The following NEK1 variants were observed in gnomAD, a reference collection of about 807,000 sequenced individuals.
The protein encoded by NEK1 is NIMA related kinase 1, also known as serine/threonine-protein kinase Nek1.
NEK1 carries 137 observed loss-of-function variants against 182.1 expected under a neutral mutation model. That is an observed-to-expected ratio of 0.75 (90% CI 0.65 to 0.87). The LOEUF (loss-of-function observed/expected upper bound fraction) is 0.87. Ranked by LOEUF, NEK1 falls within the 40% of genes least tolerant of loss-of-function variation. The pLI is 0.00. For missense variants in NEK1, 1,391 were observed against 1,494.4 expected, an observed-to-expected ratio of 0.93 and a Z score of 1.14; for synonymous variants, 513 against 492.2, an observed-to-expected ratio of 1.04 and a Z score of -0.56.
Position 169,401,685 on chromosome 4 carries a change from T to C in NEK1, c.3550A>G (p.Ser1184Gly). The C allele has an allele frequency of 6.2e-7, 1 of 1,613,936 alleles. No individual in the cohort carries two copies. Among genetic ancestry groups the C allele is most frequent in the Non-Finnish European group, 8.5e-7 (1 of 1,179,826 alleles). The stretch of plus-strand genomic sequence containing the variant: ...CATTCTTCGTTCAGGGCACTTTCAC[T>C]GCTGGGATTGTCATCTTCATCTGCC... ...DVADEDDNPS[S>G]ESALNEEWHS... The change falls in exon 33 of 36, where the codon AGT (serine) becomes GGT (glycine). Residue 1184 changes from serine to glycine, a missense_variant. By Grantham distance (56) the Ser-to-Gly change is moderately conservative (BLOSUM62 0). Coordinates refer to ENST00000507142, the MANE Select transcript of NEK1 (RefSeq NM_001199397.3).
chr4:169,412,196 A>T (rs1733793518), intron 31 of NEK1, among the ~76,000 whole-genome samples: 1 of 152,190 alleles, frequency 6.6e-6, no homozygotes, highest in African/African-American at 2.4e-5. Context: ...TCAGAGTGAG[A>T]ATTTGTGGGC....
intron 19 of NEK1, among the ~76,000 whole-genome samples, chr4:169,535,001 A>G: frequency 6.6e-6 from 1 of 152,142 alleles, no homozygotes; most frequent in Admixed American, 6.5e-5. Flanking sequence ...GTATAAAAAC[A>G]ATCCAAATCA....
At chr4:169,547,392 G>A (rs952576494) in intron 18 of NEK1, among the ~76,000 whole-genome samples, 2 of 152,058 alleles carry the variant, frequency 1.3e-5, no homozygotes, top group Non-Finnish European at 2.9e-5. Flanking sequence ...CTTTCTCTCT[G>A]GTGGCTCTTA....
At position 169,561,479 on chromosome 4, in the gene NEK1, C is replaced by G; in HGVS notation, c.1266+1G>C. The G allele has an allele frequency of 1.9e-6, 3 of 1,613,278 alleles. No homozygotes were observed. The highest frequency in any genetic ancestry group is 2.5e-6 in the Non-Finnish European group (3 of 1,179,422). ...TAACCATATTGGTATAAAATGCCTA[C>G]CTTTACTTCACCACTTCCACCAGCA... On this transcript the variant is annotated splice_donor_variant, in intron 16 of 35. Transcript: ENST00000507142. LOFTEE classifies it high-confidence loss of function.
At chr4:169,498,771 T>C (rs1240007228) in intron 23 of NEK1, among the ~76,000 whole-genome samples, 1 of 152,224 alleles carries the variant, frequency 6.6e-6, no homozygotes, top group African/African-American at 2.4e-5. Flanking sequence ...TGCCTAGAGA[T>C]CAGCTGTTAG....
chr4:169,537,920 G>T lies in NEK1; in HGVS notation c.1563-9C>A. The T allele has an allele frequency of 1.3e-6, 2 of 1,566,982 alleles. No individual in the cohort carries two copies. Among genetic ancestry groups the T allele is most frequent in the Non-Finnish European group, 1.7e-6 (2 of 1,149,486 alleles). ...CTAGCTGCCCTTTTTGCCTAATTTG[G>T]ACAAATCACAAAGTCAGCCATCCTG... is the stretch of plus-strand genomic sequence containing the variant. On this transcript the variant is annotated splice_polypyrimidine_tract_variant and intron_variant, in intron 18 of 35. Transcript: ENST00000507142.
intron 19 of NEK1, among the ~76,000 whole-genome samples, chr4:169,515,412 ACTT>A (rs1455746077): frequency 6.6e-6 from 1 of 151,208 alleles, no homozygotes; most frequent in Non-Finnish European, 1.5e-5. Context: ...GAACCTGTTT[ACTT>A]CTTCTTTCAG....
rs556103708 is a variant in NEK1 at position 169,412,179 on chromosome 4, G to C, written c.3223-5432C>G. 4.6e-5 allele frequency among the ~76,000 whole-genome samples: 7 copies of C among 152,264 alleles called. No individual in the cohort carries two copies. In the South Asian group the frequency reaches 1.5e-3, roughly 32 times the overall value. On this transcript the variant is annotated intron_variant, in intron 31 of 35. Coordinates refer to ENST00000507142, the MANE Select transcript of NEK1 (RefSeq NM_001199397.3). The stretch of plus-strand genomic sequence containing the variant: ...GACTAAATGAATCTGCCTTACAATA[G>C]CTTGACTCAGAGTGAGAATTTGTGG...
intron 26 of NEK1, among the ~76,000 whole-genome samples, chr4:169,476,124 C>T (rs1746901060): frequency 6.6e-6 from 1 of 152,072 alleles, no homozygotes; most frequent in Non-Finnish European, 1.5e-5. Flanking sequence ...GAAAACTATA[C>T]CAAGGCACTT....
At chr4:169,498,801 T>C (rs1751860572) in intron 23 of NEK1, among the ~76,000 whole-genome samples, 1 of 152,210 alleles carries the variant, frequency 6.6e-6, no homozygotes, top group African/African-American at 2.4e-5. Context: ...CTTCCGTTTG[T>C]AGGTAACCCA....
chr4:169,447,789 A>G (rs1356104307), intron 27 of NEK1, among the ~76,000 whole-genome samples: 1 of 152,134 alleles, frequency 6.6e-6, no homozygotes, highest in African/African-American at 2.4e-5. Context: ...GAATCACTTG[A>G]ACCCGGGAGG....
intron 23 of NEK1, among the ~76,000 whole-genome samples, chr4:169,496,011 G>A (rs1041739736): frequency 3.9e-5 from 6 of 152,320 alleles, no homozygotes; most frequent in East Asian, 1.9e-4. Context: ...CCATTTTCAC[G>A]ATACTGATTC....
intron 19 of NEK1, among the ~76,000 whole-genome samples, chr4:169,512,035 GT>G (rs1181836662): frequency 6.6e-6 from 1 of 152,086 alleles, no homozygotes; most frequent in Non-Finnish European, 1.5e-5. Flanking sequence ...CATTTGGGTA[GT>G]TTTAAGTTTT....
At chr4:169,417,540 T>C (rs907353508) in intron 31 of NEK1, among the ~76,000 whole-genome samples, 2 of 152,184 alleles carry the variant, frequency 1.3e-5, no homozygotes, top group Admixed American at 1.3e-4. Flanking sequence ...AGGAAAGAAC[T>C]AGAGTAATAA....
chr4:169,602,839 A>G (rs372312322), intron 2 of NEK1, among the ~76,000 whole-genome samples, 161 bp from the exon 3 acceptor site: 1 of 152,162 alleles, frequency 6.6e-6, no homozygotes, highest in East Asian at 1.9e-4. Flanking sequence ...ATACTTTACT[A>G]GTACAACCTA....
intron 12 of NEK1, among the ~76,000 whole-genome samples, chr4:169,567,173 GTTTA>G (rs1367728699): frequency 6.6e-6 from 1 of 151,984 alleles, no homozygotes; most frequent in Non-Finnish European, 1.5e-5. Flanking sequence ...GAAATCTGGG[GTTTA>G]TTTTCTTTTA....
At chr4:169,599,478 A>G (rs987446034) in intron 4 of NEK1, among the ~76,000 whole-genome samples, 21 of 152,216 alleles carry the variant, frequency 1.4e-4, no homozygotes, top group Admixed American at 1.2e-3. Flanking sequence ...TATAAACAAA[A>G]TGCAGACATA....
In NEK1 at chr4:169,612,055, A is replaced by T. The variant is rs1466110166; in HGVS notation, c.-84T>A. 6.6e-6 allele frequency: 1 copy of T among 152,232 alleles called. No individual in the cohort carries two copies. The highest frequency in any genetic ancestry group is 1.5e-5 in the Non-Finnish European group (1 of 68,038). 9.4% of individuals were successfully genotyped at this position (152,232 alleles called of 1,614,324 possible). A position where few individuals can be genotyped will look rare whatever the true frequency, so the allele number is the denominator to read the frequency against. ...CAGGACGTTAGTAGGAATAACGGTG[A>T]TGACTAATAAGCATCAGTCTAGGTG... On this transcript the variant is annotated 5_prime_UTR_variant, in exon 2 of 36. Transcript: ENST00000507142.
intron 28 of NEK1, among the ~76,000 whole-genome samples, chr4:169,436,271 A>T (rs951114792): frequency 3.3e-5 from 5 of 152,236 alleles, no homozygotes; most frequent in Admixed American, 2.0e-4. Flanking sequence ...TAATTGAAGC[A>T]GAATTACATA....
Sources: allele counts gnomAD v4.1 joint callset (sites outside exome capture counted in the v4.1 genomes callset), GRCh38; gene constraint gnomAD v4.1.1; transcripts MANE v1.5; gene names NCBI Gene and HGNC (gene_info 2026-07-23, HGNC 2026-07-21).